Variants in PCED1B observed in about 807,000 individuals in gnomAD.
PCED1B encodes PC-esterase domain containing 1B.
For synonymous variants in PCED1B, 251 were observed against 246.1 expected (o/e 1.02, Z -0.19); for missense variants, 573 against 573.9 (o/e 1.00, Z 0.02).
At chr12:47,107,196 C>T (rs1369587924) in intron 2 of PCED1B, among the ~76,000 whole-genome samples, 2 of 152,128 alleles carry the variant, frequency 1.3e-5, no homozygotes, top group South Asian at 2.1e-4. Context: ...GAAAGATTCT[C>T]CTAAAGTTTG....
chr12:47,122,992 A>C (rs1939741651), intron 2 of PCED1B, among the ~76,000 whole-genome samples: 1 of 152,206 alleles, frequency 6.6e-6, no homozygotes, highest in Non-Finnish European at 1.5e-5. Flanking sequence ...TTTCATGGGA[A>C]GCGTACCATA....
Position 47,084,467 on chromosome 12 carries a change from T to C in PCED1B, c.-609+4742T>C, listed in dbSNP as rs1405005606. Among the ~76,000 whole-genome samples, 3 of 152,372 alleles carry C rather than the reference T, an allele frequency of 2.0e-5. No individual in the cohort carries two copies. The East Asian group carries it at 5.8e-4, about 29-fold the overall frequency. ...CCTATGCCCATTAAGCAGTTACTCC[T>C]ATTTCCCTTTCTCTCAGCCCCTGGC... On this transcript the variant is annotated intron_variant, in intron 1 of 3. Coordinates refer to ENST00000546455, the MANE Select transcript of PCED1B (RefSeq NM_138371.3).
At position 47,148,847 on chromosome 12, in the gene PCED1B, A is replaced by G. The variant is rs535055311; in HGVS notation, c.-526+44652A>G. ...CTTAAATTGTTTGAGTATCTCTGTT[A>G]CCAGAGGGATCACAGCTGTTTTCAA... On this transcript the variant is annotated intron_variant, in intron 2 of 3. Coordinates refer to ENST00000546455, the MANE Select transcript of PCED1B (RefSeq NM_138371.3). 3.3e-5 allele frequency among the ~76,000 whole-genome samples: 5 copies of G among 152,336 alleles called. No individual in the cohort carries two copies. In the South Asian group the frequency reaches 1.0e-3, roughly 32 times the overall value.
intron 2 of PCED1B, among the ~76,000 whole-genome samples, chr12:47,113,134 G>C (rs539726056): frequency 6.6e-6 from 1 of 152,274 alleles, no homozygotes; most frequent in South Asian, 2.1e-4. Flanking sequence ...TGGTCTCTGG[G>C]ATATACTAAG....
chr12:47,092,417 G>T (rs1161286616), intron 1 of PCED1B, among the ~76,000 whole-genome samples: 1 of 151,822 alleles, frequency 6.6e-6, no homozygotes, highest in East Asian at 1.9e-4. Flanking sequence ...CTAAGAATTT[G>T]TCCTTAGATT....
chr12:47,200,787 A>T (rs568483459), intron 2 of PCED1B, among the ~76,000 whole-genome samples: 11 of 152,380 alleles, frequency 7.2e-5, no homozygotes, highest in Admixed American at 2.6e-4. Flanking sequence ...ACGCTAGGCC[A>T]TGTCAGTTCA....
intron 1 of PCED1B, among the ~76,000 whole-genome samples, chr12:47,096,079 C>T (rs1488319780): frequency 6.6e-6 from 1 of 152,122 alleles, no homozygotes; most frequent in Non-Finnish European, 1.5e-5. Flanking sequence ...CAGAAGACCA[C>T]ATCCTCATCT....
At chr12:47,110,694 A>G (rs992681207) in intron 2 of PCED1B, among the ~76,000 whole-genome samples, 10 of 152,228 alleles carry the variant, frequency 6.6e-5, no homozygotes, top group African/African-American at 1.4e-4. Flanking sequence ...CACTAATCAG[A>G]AATATAATCA....
At chr12:47,094,986 G>A (rs910422717) in intron 1 of PCED1B, among the ~76,000 whole-genome samples, 5 of 149,226 alleles carry the variant, frequency 3.4e-5, no homozygotes, top group African/African-American at 1.2e-4. Context: ...GGCTCACTGC[G>A]GCCTCAACCT....
chr12:47,100,000 G>A (rs1397176849), intron 1 of PCED1B, among the ~76,000 whole-genome samples: 1 of 152,184 alleles, frequency 6.6e-6, no homozygotes, highest in African/African-American at 2.4e-5. Flanking sequence ...CGGCTACACT[G>A]AGCAATGTTT....
rs1400962080 is a variant in PCED1B, at chr12:47,227,735, T to C, written c.-57-7272T>C. 2.6e-5 allele frequency among the ~76,000 whole-genome samples: 4 copies of C among 151,852 alleles called. No individual in the cohort carries two copies. In the East Asian group the frequency reaches 6.0e-4, roughly 23 times the overall value. ...TGGGCATGGTGGCAAGTGCCTGTAA[T>C]TGCAGGTATCTGGAGACCAAGGCAC... On this transcript the variant is annotated intron_variant, in intron 3 of 3. Coordinates refer to ENST00000546455, the MANE Select transcript of PCED1B (RefSeq NM_138371.3).
At chr12:47,122,806 T>A (rs1203251713) in intron 2 of PCED1B, among the ~76,000 whole-genome samples, 1 of 152,176 alleles carries the variant, frequency 6.6e-6, no homozygotes, top group Non-Finnish European at 1.5e-5. Flanking sequence ...GCAAATCTTG[T>A]CAAAAATCTG....
intron 2 of PCED1B, among the ~76,000 whole-genome samples, chr12:47,185,003 CCTT>C (rs1042607933): frequency 1.3e-5 from 2 of 152,248 alleles, no homozygotes; most frequent in African/African-American, 4.8e-5. Context: ...CTGTCAGACT[CCTT>C]CTTTTTCCCT....
intron 3 of PCED1B, among the ~76,000 whole-genome samples, chr12:47,230,163 C>T (rs1421888819): frequency 6.8e-6 from 1 of 147,828 alleles, no homozygotes; most frequent in Admixed American, 6.8e-5. Context: ...CGGCTCACTA[C>T]AAGTTCCGCC....
At chr12:47,184,760 A>G (rs1210666590) in intron 2 of PCED1B, among the ~76,000 whole-genome samples, 1 of 152,190 alleles carries the variant, frequency 6.6e-6, no homozygotes, top group Non-Finnish European at 1.5e-5. Flanking sequence ...TAATTTCAGA[A>G]CAAAGATTAG....
chr12:47,157,500 A>G (rs1941232370), intron 2 of PCED1B, among the ~76,000 whole-genome samples: 1 of 152,274 alleles, frequency 6.6e-6, no homozygotes, highest in Middle Eastern at 3.4e-3. Flanking sequence ...TGAGGCAGGA[A>G]GGTCACGTGG....
At chr12:47,219,505 C>G (rs1043794766) in intron 3 of PCED1B, among the ~76,000 whole-genome samples, 2 of 152,172 alleles carry the variant, frequency 1.3e-5, no homozygotes, top group Non-Finnish European at 1.5e-5. Flanking sequence ...TCCAATCGCC[C>G]TTGTTTTTCA....
At chr12:47,146,800 C>A (rs1032029787) in intron 2 of PCED1B, among the ~76,000 whole-genome samples, 2 of 152,064 alleles carry the variant, frequency 1.3e-5, no homozygotes. Context: ...TGCTTTATTG[C>A]AGTGGTCAGA....
At chr12:47,146,908 CT>C (rs2137432271) in intron 2 of PCED1B, among the ~76,000 whole-genome samples, 1 of 151,866 alleles carries the variant, frequency 6.6e-6, no homozygotes, top group Non-Finnish European at 1.5e-5. Context: ...TTTCTTTCCT[CT>C]TGCATCTTAC....
Sources: gnomAD v4.1 joint callset for allele counts (sites outside exome capture counted in the v4.1 genomes callset) on GRCh38, gnomAD v4.1.1 for gene constraint, MANE v1.5 for transcripts, NCBI Gene and HGNC (gene_info 2026-07-23, HGNC 2026-07-21) for gene names.